AGR2: variants seen among roughly 807,000 people sequenced by gnomAD.
The protein encoded by AGR2 is anterior gradient protein 2 homolog.
In AGR2, 27 loss-of-function variants were observed where a neutral mutation model predicts 25.9. The ratio of observed to expected loss-of-function variants is 1.04; its 90% CI spans 0.77 to 1.44. The LOEUF is 1.44. Among genes scored for constraint, AGR2 ranks in the 40% most tolerant of loss-of-function variants. The probability of loss-of-function intolerance (pLI) is 0.00; values close to 1 mark genes in which losing one functional copy is unlikely to be tolerated. For missense variants in AGR2, 182 were observed against 200.9 expected (o/e 0.91, Z 0.57); for synonymous variants, 78 against 72.0 (o/e 1.08, Z -0.42).
In AGR2 at chr7:16,799,824, T is replaced by G. The variant is rs766545138; in HGVS notation, c.257-7A>C. 11 of 1,589,840 alleles carry G rather than the reference T, an allele frequency of 6.9e-6. No individual in the cohort carries two copies. The highest frequency in any genetic ancestry group is 9.5e-6 in the Non-Finnish European group (11 of 1,160,912). On this transcript the variant is annotated splice_polypyrimidine_tract_variant and splice_region_variant and intron_variant, in intron 4 of 7. Coordinates refer to ENST00000419304, the MANE Select transcript of AGR2 (RefSeq NM_006408.4). Reference sequence around the variant, plus strand: ...GCAAACACTTTCTTTAAAGCTATAATATAAAGAAAAATCATTAAGCATCCA... The same window carrying G: ...GCAAACACTTTCTTTAAAGCTATAAGATAAAGAAAAATCATTAAGCATCCA...
Position 16,802,751 on chromosome 7 carries a change from G to GAT in AGR2, c.-7-950_-7-949dup, listed in dbSNP as rs201039761. Among the ~76,000 whole-genome samples, 770 of 151,874 alleles carry GAT rather than the reference G, an allele frequency of 5.1e-3. 5 individuals carry two copies. Among genetic ancestry groups the GAT allele is most frequent in the East Asian group, 0.018 (93 of 5,162 alleles). On this transcript the variant is annotated intron_variant, in intron 1 of 7. Coordinates refer to ENST00000419304, the MANE Select transcript of AGR2 (RefSeq NM_006408.4). ...CTATAGATATAGAGTTATCTATATA[G>GAT]ATATATATATCTATATAGAAATAGA...
At chr7:16,802,990 A>C (rs1785176547) in intron 1 of AGR2, among the ~76,000 whole-genome samples, 1 of 151,714 alleles carries the variant, frequency 6.6e-6, no homozygotes, top group Non-Finnish European at 1.5e-5. Flanking sequence ...GTGCCAGCAT[A>C]CTTGGCTATG....
intron 4 of AGR2, among the ~76,000 whole-genome samples, chr7:16,800,141 G>C (rs1208755349): frequency 1.3e-5 from 2 of 152,198 alleles, no homozygotes; most frequent in African/African-American, 4.8e-5. Context: ...TTTTCACAGA[G>C]CTCACATACT....
intron 5 of AGR2, chr7:16,799,469 G>A: frequency 2.7e-6 from 1 of 370,136 alleles, no homozygotes; most frequent in South Asian, 4.4e-5. Flanking sequence ...GACAGGCACA[G>A]CAAGTAACAA....
intron 2 of AGR2, 49 bp downstream of exon 2, chr7:16,801,609 C>A (rs777802232): frequency 6.8e-6 from 11 of 1,611,836 alleles, no homozygotes; most frequent in Non-Finnish European, 8.5e-6. Context: ...GAGAGGAAAT[C>A]TTTTCCAATT....
intron 5 of AGR2, chr7:16,799,467 C>G: frequency 2.8e-6 from 1 of 362,912 alleles, no homozygotes; most frequent in Admixed American, 4.2e-5. Flanking sequence ...GGGACAGGCA[C>G]AGCAAGTAAC....
chr7:16,795,924 C>T (rs1785037729), intron 6 of AGR2, among the ~76,000 whole-genome samples: 1 of 152,198 alleles, frequency 6.6e-6, no homozygotes, highest in Non-Finnish European at 1.5e-5. Context: ...CATTTATTCA[C>T]CAGATTTAAG....
In AGR2 at chr7:16,799,748, A is replaced by G; in HGVS notation, c.326T>C (p.Leu109Pro). ...AATGATGAAAAGGAAACTTACAACC[A>G]GATTGAGGAGGACAAACTGCTCTGC... ...KLAEQFVLLN[L>P]VYETTDKHLS... The change falls in exon 5 of 8, where the codon CTG becomes CCG. Residue 109 changes from leucine to proline, a missense_variant. Coordinates refer to ENST00000419304, the MANE Select transcript of AGR2 (RefSeq NM_006408.4). 1 of 1,611,304 alleles carries G rather than the reference A, an allele frequency of 6.2e-7. No individual in the cohort carries two copies. The highest frequency in any genetic ancestry group is 8.5e-7 in the Non-Finnish European group (1 of 1,178,286).
chr7:16,801,782 T>G lies in AGR2; in HGVS notation c.15A>C (p.Pro5=). MEKI[P]VSAFLLLVAL... ...CCACAAGGAGCAAGAATGCTGACAC[T>G]GGAATTTTCTCCATGGCAACTCTAG... The change falls in exon 2 of 8, where the codon CCA becomes CCC. Residue 5 remains proline (P), a synonymous_variant. Transcript: ENST00000419304. 6.2e-7 allele frequency: 1 copy of G among 1,608,210 alleles called. No individual in the cohort carries two copies. Among genetic ancestry groups the G allele is most frequent in the Non-Finnish European group, 8.5e-7 (1 of 1,176,278 alleles).
intron 1 of AGR2, chr7:16,803,126 C>T (rs1179849125): frequency 2.0e-5 from 3 of 152,200 alleles, no homozygotes; most frequent in Admixed American, 6.6e-5. Context: ...TGAGCCACCA[C>T]GCCTAGCTGA....
At chr7:16,794,186 C>G (rs1215724106) in intron 7 of AGR2, among the ~76,000 whole-genome samples, 2 of 152,170 alleles carry the variant, frequency 1.3e-5, no homozygotes, top group African/African-American at 4.8e-5. Flanking sequence ...GTTCAGTGTC[C>G]GGGCATTGAG....
intron 4 of AGR2, 22 bp downstream of exon 4, chr7:16,801,129 C>A: frequency 6.2e-7 from 1 of 1,606,758 alleles, no homozygotes; most frequent in South Asian, 1.1e-5. Context: ...TAAAGGAAAT[C>A]ATACTTAGAA....
Position 16,797,624 on chromosome 7 carries a change from C to G in AGR2, c.394+7G>C. ...TTCCGAGTTATCTCACTGTCACTTC[C>G]GCTTACCAACAAACATAATCCTGGG... On this transcript the variant is annotated splice_region_variant and intron_variant, in intron 6 of 7. Transcript: ENST00000419304. 1 of 1,613,402 alleles carries G rather than the reference C, an allele frequency of 6.2e-7. No individual in the cohort carries two copies. The highest frequency in any genetic ancestry group is 8.5e-7 in the Non-Finnish European group (1 of 1,179,608).
chr7:16,794,265 CA>C (rs1257918902), intron 7 of AGR2, among the ~76,000 whole-genome samples: 5 of 152,290 alleles, frequency 3.3e-5, no homozygotes, highest in African/African-American at 1.2e-4. Context: ...CAACATGTGG[CA>C]AATGGTTAAC....
intron 7 of AGR2, among the ~76,000 whole-genome samples, chr7:16,794,410 C>G (rs1228744225): frequency 2.0e-5 from 3 of 152,002 alleles, no homozygotes; most frequent in Non-Finnish European, 4.4e-5. Context: ...GGTACCTCAT[C>G]TGCCTTAAGT....
At chr7:16,796,392 T>C (rs1993650) in intron 6 of AGR2, among the ~76,000 whole-genome samples, 3,698 of 152,326 alleles carry the variant, frequency 0.024, 142 homozygotes, top group East Asian at 0.08. Flanking sequence ...ATAAAATTAG[T>C]GCTTTAGTTC....
chr7:16,801,442 G>C, intron 2 of AGR2, 59 bp from the exon 3 acceptor site: 1 of 1,508,128 alleles, frequency 6.6e-7, no homozygotes, highest in Non-Finnish European at 9.2e-7. Context: ...CAAAGCTGTT[G>C]AAAAGCAATG....
At position 16,801,376 on chromosome 7, in the gene AGR2, A is replaced by T; in HGVS notation, c.147T>A (p.Gly49=). 6.2e-7 allele frequency: 1 copy of T among 1,613,250 alleles called. No individual in the cohort carries two copies. Among genetic ancestry groups the T allele is most frequent in the Middle Eastern group, 1.7e-4 (1 of 6,048 alleles). ...ATGTCTGAGTCCAGATGAGTTGGTC[A>T]CCCCAACCTAGAATGAAATGAATCA... The part of the protein sequence containing the change: ...KLPQTLSRGW[G]DQLIWTQTYE... The change falls in exon 3 of 8, where the codon GGT becomes GGA. Residue 49 remains glycine (G), a synonymous_variant. Transcript: ENST00000419304.
At chr7:16,803,227 A>G (rs1370861037) in intron 1 of AGR2, 1 of 152,188 alleles carries the variant, frequency 6.6e-6, no homozygotes, top group African/African-American at 2.4e-5. Context: ...ACATGGCAAG[A>G]TAAGTTTTGT....
Sources: allele counts gnomAD v4.1 joint callset (sites outside exome capture counted in the v4.1 genomes callset), GRCh38; gene constraint gnomAD v4.1.1; transcripts MANE v1.5; gene names NCBI Gene and HGNC (gene_info 2026-07-23, HGNC 2026-07-21).